Variants in CAMTA1 observed in about 807,000 individuals in gnomAD.
The protein encoded by CAMTA1 is calmodulin-binding transcription activator 1.
Under a neutral mutation model 170.9 loss-of-function variants are expected in CAMTA1, and 27 were observed. That is an observed-to-expected ratio of 0.16 (90% confidence interval 0.12 to 0.22). The LOEUF is 0.22. Ranked by LOEUF, CAMTA1 falls within the 10% of genes least tolerant of loss-of-function variation. The pLI is 1.00. For missense variants in CAMTA1, 1,619 were observed against 2,217.2 expected (o/e 0.73, Z 5.42); for synonymous variants, 833 against 891.5 (o/e 0.93, Z 1.17).
intron 3 of CAMTA1, among the ~76,000 whole-genome samples, chr1:7,033,588 CTTTTTTTTTTTT>C (rs34282545): frequency 2.1e-5 from 2 of 95,130 alleles, no homozygotes; most frequent in Non-Finnish European, 3.9e-5. Flanking sequence ...TGTAAATATT[CTTTTTTTTTTTT>C]TTTTTTTTTT....
rs563180721 is a variant in CAMTA1 at position 6,947,744 on chromosome 1, T to C, written c.234+122534T>C. 6.6e-5 allele frequency among the ~76,000 whole-genome samples: 10 copies of C among 152,320 alleles called. No individual in the cohort carries two copies. The South Asian group carries it at 2.1e-3, about 32-fold the overall frequency. The stretch of plus-strand genomic sequence containing the variant: ...TCAGAGTATAAGTTTTGCATTTCTT[T>C]TGTTAAATTTTCCTAAGTATTTTAT... On this transcript the variant is annotated intron_variant, in intron 3 of 22. Coordinates refer to ENST00000303635, the MANE Select transcript of CAMTA1 (RefSeq NM_015215.4).
intron 3 of CAMTA1, among the ~76,000 whole-genome samples, chr1:6,909,488 G>GC (rs1260617912): frequency 6.6e-6 from 1 of 152,236 alleles, no homozygotes; most frequent in Non-Finnish European, 1.5e-5. Flanking sequence ...TCAGGTTGGG[G>GC]CGGGGGGCCT....
chr1:7,207,464 G>A (rs953315537), intron 4 of CAMTA1, among the ~76,000 whole-genome samples: 2 of 152,124 alleles, frequency 1.3e-5, no homozygotes, highest in Non-Finnish European at 2.9e-5. Context: ...TTAAAAAGCT[G>A]AATTCATTCT....
In CAMTA1 at chr1:7,290,844, C is replaced by T. The variant is rs553637207; in HGVS notation, c.438+41218C>T. ...AACATTTATTCCATCGATACTTTTACCAACAAGTCTGAGGTTCCTTTTAAC... is the reference window on the plus strand; with the variant it reads ...AACATTTATTCCATCGATACTTTTATCAACAAGTCTGAGGTTCCTTTTAAC... On this transcript the variant is annotated intron_variant, in intron 5 of 22. Coordinates refer to ENST00000303635, the MANE Select transcript of CAMTA1 (RefSeq NM_015215.4). 1.8e-4 allele frequency among the ~76,000 whole-genome samples: 27 copies of T among 152,124 alleles called. 1 individual carries two copies. In the South Asian group the frequency reaches 5.6e-3, roughly 32 times the overall value.
Position 6,980,400 on chromosome 1 carries a change from G to C in CAMTA1, c.235-110904G>C, listed in dbSNP as rs1408356676. On this transcript the variant is annotated intron_variant, in intron 3 of 22. Coordinates refer to ENST00000303635, the MANE Select transcript of CAMTA1 (RefSeq NM_015215.4). ...TTTAGGGACTCTGCACTGCATTGAAGTAGCACCGGGAGTCACGAGCCCGTG... is the reference window on the plus strand; with the variant it reads ...TTTAGGGACTCTGCACTGCATTGAACTAGCACCGGGAGTCACGAGCCCGTG... Among the ~76,000 whole-genome samples the C allele has an allele frequency of 2.6e-5, 4 of 152,328 alleles. No homozygotes were observed. The East Asian group carries it at 7.7e-4, about 29-fold the overall frequency.
At chr1:7,723,865 G>A (rs1005926246) in intron 11 of CAMTA1, among the ~76,000 whole-genome samples, 1 of 152,200 alleles carries the variant, frequency 6.6e-6, no homozygotes, top group African/African-American at 2.4e-5. Flanking sequence ...AGACTGGCAG[G>A]CTGGAGTTCA....
intron 3 of CAMTA1, among the ~76,000 whole-genome samples, chr1:6,860,163 AT>A (rs1457524910): frequency 6.6e-6 from 1 of 152,058 alleles, no homozygotes; most frequent in Non-Finnish European, 1.5e-5. Context: ...TTCTTAACTC[AT>A]TATGTCCTCA....
chr1:7,429,479 GGGTGATGATGAT>G (rs2092048832), intron 5 of CAMTA1, among the ~76,000 whole-genome samples: 2 of 151,716 alleles, frequency 1.3e-5, no homozygotes, highest in Admixed American at 1.3e-4. Flanking sequence ...GTGATAATAC[GGGTGATGATGAT>G]GGTGATGATG....
chr1:7,597,195 C>T (rs2095406961), intron 6 of CAMTA1, among the ~76,000 whole-genome samples: 1 of 152,230 alleles, frequency 6.6e-6, no homozygotes, highest in African/African-American at 2.4e-5. Flanking sequence ...ACCCTACCAG[C>T]TACTAGCTGC....
rs570963755 is a variant in CAMTA1, at chr1:7,098,019, A to G, written c.302+6648A>G. Among the ~76,000 whole-genome samples the G allele has an allele frequency of 3.9e-5, 6 of 152,294 alleles. No homozygotes were observed. In the East Asian group the frequency reaches 1.2e-3, roughly 29 times the overall value. ...TTTATGTTACCTATATTTTACTACAATTAAAAAAAAATTCCTGGAGTTGCC... is the reference window on the plus strand; with the variant it reads ...TTTATGTTACCTATATTTTACTACAGTTAAAAAAAAATTCCTGGAGTTGCC... On this transcript the variant is annotated intron_variant, in intron 4 of 22. Coordinates refer to ENST00000303635, the MANE Select transcript of CAMTA1 (RefSeq NM_015215.4).
chr1:7,642,985 C>T lies in CAMTA1; in HGVS notation c.664+2432C>T, dbSNP rs2095776723. The stretch of plus-strand genomic sequence containing the variant: ...GCAGAAGCTGCCATGGCTGAGTGCA[C>T]TCCAGGCCTGCAGGAAGTAGCCTGG... On this transcript the variant is annotated intron_variant, in intron 7 of 22. Transcript: ENST00000303635. This position sits in a 1 kb window ranked among gnomAD's most constrained non-coding sequence, Gnocchi z 6.3. Among the ~76,000 whole-genome samples, 1 of 149,966 alleles carries T rather than the reference C, an allele frequency of 6.7e-6. No individual in the cohort carries two copies.
At chr1:6,861,147 G>A (rs1400933422) in intron 3 of CAMTA1, among the ~76,000 whole-genome samples, 1 of 151,904 alleles carries the variant, frequency 6.6e-6, no homozygotes, top group East Asian at 2.0e-4. Context: ...GTAGAGATGG[G>A]GTTTCACCTC....
chr1:6,981,642 C>T (rs1037891779), intron 3 of CAMTA1, among the ~76,000 whole-genome samples: 2 of 152,004 alleles, frequency 1.3e-5, no homozygotes, highest in African/African-American at 4.8e-5. Flanking sequence ...TATTATGTTG[C>T]CTAGGGTGGT....
At chr1:6,951,872 G>A (rs1557876341) in intron 3 of CAMTA1, among the ~76,000 whole-genome samples, 1 of 152,182 alleles carries the variant, frequency 6.6e-6, no homozygotes, top group Non-Finnish European at 1.5e-5. Context: ...ACTGTCAAGC[G>A]CAGTAAGACT....
At chr1:7,703,954 G>A (rs2096471897) in intron 11 of CAMTA1, among the ~76,000 whole-genome samples, 1 of 152,194 alleles carries the variant, frequency 6.6e-6, no homozygotes, top group East Asian at 2.0e-4. Context: ...CAAAGGGTGG[G>A]CGGAGCCTGC....
chr1:7,249,341 A>G lies in CAMTA1; in HGVS notation c.303-150A>G. 1.3e-6 allele frequency: 1 copy of G among 795,004 alleles called. No homozygotes were observed. Among genetic ancestry groups the G allele is most frequent in the South Asian group, 2.1e-5 (1 of 47,560 alleles). 49.2% of individuals were successfully genotyped at this position (795,004 alleles called of 1,614,324 possible). On this transcript the variant is annotated intron_variant, in intron 4 of 22. Transcript: ENST00000303635. The surrounding 1 kb of genome is among the most constrained non-coding windows in gnomAD (Gnocchi z 4.4). ...GCTGGCCATAAAACATGGTTAATCC[A>G]GGGAGATGCAATAAAAGGTGAAAAA...
chr1:7,350,325 A>G (rs1010800811), intron 5 of CAMTA1, among the ~76,000 whole-genome samples: 8 of 152,136 alleles, frequency 5.3e-5, no homozygotes, highest in African/African-American at 9.7e-5. Context: ...TTTTGCAGAG[A>G]GTCCTCCTGC....
chr1:7,339,479 G>T (rs1222690072), intron 5 of CAMTA1, among the ~76,000 whole-genome samples: 1 of 152,124 alleles, frequency 6.6e-6, no homozygotes, highest in African/African-American at 2.4e-5. Context: ...GCACACCCAG[G>T]CATGTCTCCT....
chr1:6,807,835 A>G (rs1209579463), intron 1 of CAMTA1, among the ~76,000 whole-genome samples: 1 of 151,996 alleles, frequency 6.6e-6, no homozygotes, highest in East Asian at 1.9e-4. Context: ...TGAAATTAGG[A>G]GTCATTTCTG....
Sources: allele counts gnomAD v4.1 joint callset (sites outside exome capture counted in the v4.1 genomes callset), GRCh38; gene constraint gnomAD v4.1.1; non-coding constraint Gnocchi (gnomAD v3.1); transcripts MANE v1.5; gene names NCBI Gene and HGNC (gene_info 2026-07-23, HGNC 2026-07-21).